SCAF11: variants seen among roughly 807,000 people sequenced by gnomAD.
SCAF11 encodes protein SCAF11.
In SCAF11, 47 loss-of-function variants were observed where a neutral mutation model predicts 140.5. That is an observed-to-expected ratio of 0.33 (90% CI 0.26 to 0.43). The LOEUF (loss-of-function observed/expected upper bound fraction) is 0.43. SCAF11 is among the 20% of genes least tolerant of loss of function. The pLI, the probability that SCAF11 is intolerant of heterozygous loss-of-function variation, is 1.00. For synonymous variants in SCAF11, 557 were observed against 579.4 expected, an observed-to-expected ratio of 0.96 and a Z score of 0.55; for missense variants, 1,645 against 1,705.1, an observed-to-expected ratio of 0.96 and a Z score of 0.62.
At chr12:45,932,443 A>G (rs941775388) in intron 9 of SCAF11, among the ~76,000 whole-genome samples, 3 of 152,062 alleles carry the variant, frequency 2.0e-5, no homozygotes, top group Admixed American at 6.6e-5. Context: ...GAAGGGTTTC[A>G]TAGTACATAC....
At chr12:45,960,932 AAATATAGCAT>A (rs1945812161) in intron 3 of SCAF11, 1 of 163,042 alleles carries the variant, frequency 6.1e-6, no homozygotes, top group African/African-American at 2.4e-5. Flanking sequence ...TTAACTTAGA[AAATATAGCAT>A]AATATGAACA....
In SCAF11 at chr12:45,922,070, G is replaced by C; in HGVS notation, c.4370C>G (p.Ser1457Cys). ...ATTTCAGCCTATGTTTTTTTCAGTA[G>C]ACACAGGTTCTTCCAGAGTTTTCTT... ...SQKKTLEEPV[S>C]TEKNIG Residue 1457 changes from serine to cysteine, a missense_variant, in exon 15 of 15, where the codon TCT becomes TGT. Ser to Cys is a moderately radical substitution (Grantham distance 112). Around this residue, in one of 2 missense-constraint regions of SCAF11, gnomAD observed 63 missense variants for 95.9 expected, o/e 0.66. Transcript: ENST00000369367. The C allele has an allele frequency of 6.2e-7, 1 of 1,612,500 alleles. No individual in the cohort carries two copies. The highest frequency in any genetic ancestry group is 1.3e-5 in the African/African-American group (1 of 74,808).
At chr12:45,980,803 G>A (rs1309268614) in intron 1 of SCAF11, among the ~76,000 whole-genome samples, 1 of 152,106 alleles carries the variant, frequency 6.6e-6, no homozygotes, top group Non-Finnish European at 1.5e-5. Flanking sequence ...CAAAGAACCT[G>A]AGAGTAGAAT....
chr12:45,932,522 G>A (rs899002201), intron 9 of SCAF11, among the ~76,000 whole-genome samples: 1 of 152,008 alleles, frequency 6.6e-6, no homozygotes, highest in African/African-American at 2.4e-5. Flanking sequence ...GCCCTATACA[G>A]AACTATATTA....
intron 11 of SCAF11, among the ~76,000 whole-genome samples, chr12:45,925,694 A>AT (rs1290312609): frequency 1.3e-5 from 2 of 152,198 alleles, no homozygotes; most frequent in Non-Finnish European, 2.9e-5. Context: ...AGGTTATTCA[A>AT]TTTTTACATC....
rs1295576055 is a variant in SCAF11 at position 45,961,772 on chromosome 12, T to C, written c.147A>G (p.Leu49=). ...TTTCTGGAAAACCAACTTCCTTTTC[T>C]AATAGACAATTAAGACATATTGGGC... ...DRCPICLNCL[L]EKEVGFPESC... is the part of the protein sequence containing the mutation. The change falls in exon 3 of 15, where the codon TTA becomes TTG. Residue 49 remains leucine (L), a synonymous_variant. Transcript: ENST00000369367. 6.2e-7 allele frequency: 1 copy of C among 1,613,270 alleles called. No homozygotes were observed. The highest frequency in any genetic ancestry group is 2.2e-5 in the East Asian group (1 of 44,816).
intron 1 of SCAF11, among the ~76,000 whole-genome samples, chr12:45,979,739 C>T (rs1421166546): frequency 6.6e-6 from 1 of 152,050 alleles, no homozygotes; most frequent in Non-Finnish European, 1.5e-5. Flanking sequence ...GAGATAAGTA[C>T]AATTATGTTA....
At chr12:45,986,577 T>C (rs979093776) in intron 1 of SCAF11, among the ~76,000 whole-genome samples, 5 of 152,182 alleles carry the variant, frequency 3.3e-5, no homozygotes, top group Non-Finnish European at 7.3e-5. Flanking sequence ...GAAATTAATA[T>C]GGCTTCTAAA....
intron 14 of SCAF11, 100 bp from the exon 15 acceptor site, chr12:45,922,294 A>T: frequency 1.4e-6 from 2 of 1,466,628 alleles, no homozygotes; most frequent in South Asian, 2.6e-5. Flanking sequence ...AGATAACCAG[A>T]CTTATTTTCA....
In SCAF11 at chr12:45,990,468, T is replaced by TA. The variant is rs1946570949; in HGVS notation, c.-138dup. 1 of 1,231,150 alleles carries TA rather than the reference T, an allele frequency of 8.1e-7. No individual in the cohort carries two copies. Among genetic ancestry groups the TA allele is most frequent in the Non-Finnish European group, 1.0e-6 (1 of 987,888 alleles). 76.3% of individuals were successfully genotyped at this position (1,231,150 alleles called of 1,614,324 possible). A position where few individuals can be genotyped will look rare whatever the true frequency, so the allele number is the denominator to read the frequency against. On this transcript the variant is annotated 5_prime_UTR_variant, in exon 1 of 15. Coordinates refer to ENST00000369367, the MANE Select transcript of SCAF11 (RefSeq NM_004719.3). ...GACTCCTTCGTCCGCTTTGTGGTGT[T>TA]ACAGGGTCTCTAGGACACTGACTCC... is the stretch of plus-strand genomic sequence containing the variant.
At chr12:45,943,963 C>A (rs1480555144) in intron 6 of SCAF11, among the ~76,000 whole-genome samples, 1 of 152,032 alleles carries the variant, frequency 6.6e-6, no homozygotes, top group Admixed American at 6.6e-5. Flanking sequence ...TATAAATGAG[C>A]TTTACTATAC....
chr12:45,943,980 A>G (rs1945365195), intron 6 of SCAF11, among the ~76,000 whole-genome samples: 1 of 152,206 alleles, frequency 6.6e-6, no homozygotes, highest in African/African-American at 2.4e-5. Context: ...ATACTGAAGC[A>G]TATGGAATTT....
intron 1 of SCAF11, among the ~76,000 whole-genome samples, chr12:45,985,258 T>C (rs567162503): frequency 6.6e-6 from 1 of 152,356 alleles, no homozygotes; most frequent in Non-Finnish European, 1.5e-5. Context: ...AGGAGAACTC[T>C]GACTCATTAT....
In SCAF11 at chr12:45,926,961, G is replaced by T. The variant is rs770415745; in HGVS notation, c.2740C>A (p.Arg914=). ...CTCTGCCCATCTCTATCACTTTCTCGTTCTCTGCTCTGGGACCTGGATTTT... is the reference window on the plus strand; with the variant it reads ...CTCTGCCCATCTCTATCACTTTCTCTTTCTCTGCTCTGGGACCTGGATTTT... ...GEKSRSQSRE[R]ESDRDGQRRE... The change falls in exon 11 of 15, where the codon CGA becomes AGA. Residue 914 remains arginine, a synonymous_variant. Transcript: ENST00000369367. The T allele has an allele frequency of 3.1e-6, 5 of 1,612,080 alleles. No homozygotes were observed. The highest frequency in any genetic ancestry group is 3.4e-6 in the Non-Finnish European group (4 of 1,179,952).
At chr12:45,937,538 G>A (rs930753974) in intron 6 of SCAF11, among the ~76,000 whole-genome samples, 15 of 152,174 alleles carry the variant, frequency 9.9e-5, no homozygotes, top group Non-Finnish European at 2.9e-5. Context: ...AAATGGTGTA[G>A]ATGGGTGGTC....
chr12:45,983,516 C>T (rs1946391110), intron 1 of SCAF11, among the ~76,000 whole-genome samples: 1 of 152,086 alleles, frequency 6.6e-6, no homozygotes, highest in Non-Finnish European at 1.5e-5. Flanking sequence ...TACTGAACAA[C>T]AGAACACTGC....
rs929184188 is a variant in SCAF11 at position 45,924,960 on chromosome 12, G to A, written c.3674C>T (p.Pro1225Leu). The A allele has an allele frequency of 6.2e-7, 1 of 1,614,174 alleles. No individual in the cohort carries two copies. The highest frequency in any genetic ancestry group is 1.7e-5 in the Admixed American group (1 of 60,022). Residue 1225 changes from proline to leucine, a missense_variant, in exon 12 of 15, where the codon CCT (proline) becomes CTT (leucine). By Grantham distance (98) the Pro-to-Leu change is moderately conservative. Transcript: ENST00000369367. ...MQQQMNAQHQ[P>L]MNIFPYPVGV... ...CACTGGATATGGGAAGATATTCATA[G>A]GCTGGTGTTGTGCATTCATTTGTTG...
upstream of SCAF11, among the ~76,000 whole-genome samples, chr12:45,990,797 G>A (rs551397462): frequency 2.8e-4 from 42 of 152,356 alleles, no homozygotes; most frequent in African/African-American, 9.6e-4. Context: ...GAGAAGCGTG[G>A]TGGGTGGAGT....
chr12:45,955,226 G>A (rs554052137), intron 3 of SCAF11: 3 of 151,730 alleles, frequency 2.0e-5, no homozygotes, highest in South Asian at 4.2e-4. Context: ...GCGGCATCAC[G>A]GCTCACTGCA....
Sources: gnomAD v4.1 joint callset for allele counts (sites outside exome capture counted in the v4.1 genomes callset) on GRCh38, gnomAD v4.1.1 for gene constraint, gnomAD v4.1.1 regional missense constraint, MANE v1.5 for transcripts, NCBI Gene and HGNC (gene_info 2026-07-23, HGNC 2026-07-21) for gene names.